TUBB4B: variants seen among roughly 807,000 people sequenced by gnomAD.
TUBB4B encodes tubulin beta-4B chain.
Under a neutral mutation model 34.3 loss-of-function variants are expected in TUBB4B, and 7 were observed. The observed-to-expected ratio is 0.20, with a 90% CI of 0.12 to 0.38. TUBB4B has a LOEUF of 0.38. Among genes scored for constraint, TUBB4B ranks in the 10% least tolerant of loss-of-function variants. The pLI, the probability that TUBB4B is intolerant of heterozygous loss-of-function variation, is 1.00. For synonymous variants in TUBB4B, 390 were observed against 250.2 expected (o/e 1.56, Z -5.27); for missense variants, 178 against 610.9 (o/e 0.29, Z 7.47).
At chr9:137,242,061 A>T in intron 3 of TUBB4B, 40 bp downstream of exon 3, 1 of 1,592,196 alleles carries the variant, frequency 6.3e-7, no homozygotes, top group Non-Finnish European at 8.6e-7. Flanking sequence ...CTCAAAGGTC[A>T]AGGGGCTGCT....
At chr9:137,241,491 A>G (rs1175436403) in intron 1 of TUBB4B, 74 bp downstream of exon 1, 36 of 1,202,398 alleles carry the variant, frequency 3.0e-5, no homozygotes, top group Admixed American at 4.5e-5. Flanking sequence ...AGATGGCGGC[A>G]GCAGCGGCCG....
chr9:137,242,370 G>C (rs774859530), intron 3 of TUBB4B, 126 bp from the exon 4 acceptor site: 1 of 1,204,038 alleles, frequency 8.3e-7, no homozygotes, highest in African/African-American at 1.5e-5. Flanking sequence ...TGAAGGGTCC[G>C]TTTGCTCTAC....
chr9:137,241,297 G>A lies in TUBB4B; in HGVS notation c.-64G>A, dbSNP rs947711847. The A allele has an allele frequency of 1.3e-6, 2 of 1,556,624 alleles. No individual in the cohort carries two copies. The highest frequency in any genetic ancestry group is 1.4e-5 in the African/African-American group (1 of 72,520). The stretch of plus-strand genomic sequence containing the variant: ...CGGAGCGTCGGTTGTAGCACTCTGC[G>A]CGCCCGCTCTTCTGCTGCTGTTTGT... On this transcript the variant is annotated 5_prime_UTR_variant, in exon 1 of 4. Coordinates refer to ENST00000340384, the MANE Select transcript of TUBB4B (RefSeq NM_006088.6).
intron 1 of TUBB4B, 79 bp from the exon 2 acceptor site, chr9:137,241,642 C>A (rs1188793713): frequency 4.0e-6 from 4 of 999,414 alleles, no homozygotes; most frequent in Non-Finnish European, 5.0e-6. Context: ...CGCGCCCGTC[C>A]GGGGCGGGGC....
chr9:137,241,319 T>G lies in TUBB4B; in HGVS notation c.-42T>G, dbSNP rs746101672. ...TGCGCGCCCGCTCTTCTGCTGCTGT[T>G]TGTCTACTTCCTCCTGCTTCCCCGC... is the stretch of plus-strand genomic sequence containing the variant. On this transcript the variant is annotated 5_prime_UTR_variant, in exon 1 of 4. Coordinates refer to ENST00000340384, the MANE Select transcript of TUBB4B (RefSeq NM_006088.6). 14 of 1,585,792 alleles carry G rather than the reference T, an allele frequency of 8.8e-6. No homozygotes were observed. Among genetic ancestry groups the G allele is most frequent in the Admixed American group, 8.5e-5 (5 of 58,962 alleles).
intron 1 of TUBB4B, 51 bp downstream of exon 1, chr9:137,241,468 G>A (rs1440848699): frequency 1.4e-6 from 2 of 1,410,850 alleles, no homozygotes; most frequent in Non-Finnish European, 1.9e-6. Flanking sequence ...CGGTGTGGGC[G>A]GGCGGCCGGG....
chr9:137,241,701 C>T lies in TUBB4B; in HGVS notation c.58-20C>T, dbSNP rs1003119611. On this transcript the variant is annotated intron_variant, in intron 1 of 3. Coordinates refer to ENST00000340384, the MANE Select transcript of TUBB4B (RefSeq NM_006088.6). ...GTGACTCAGCCCCGGCCCGCCCGGG[C>T]CCGCCCGCGTCCCTTGTAGTTTTGG... The T allele has an allele frequency of 3.1e-6, 5 of 1,601,722 alleles. No individual in the cohort carries two copies. The highest frequency in any genetic ancestry group is 3.4e-5 in the Admixed American group (2 of 59,436).
chr9:137,243,139 T>C lies in TUBB4B; in HGVS notation c.921T>C (p.His307=), dbSNP rs1486272427. 2.5e-6 allele frequency: 4 copies of C among 1,613,066 alleles called. No individual in the cohort carries two copies. Among genetic ancestry groups the C allele is most frequent in the South Asian group, 2.2e-5 (2 of 91,086 alleles). ...TGATGGCTGCCTGCGACCCCCGCCA[T>C]GGCCGCTACCTGACGGTTGCCGCCG... ...KNMMAACDPR[H]GRYLTVAAVF... Residue 307 remains histidine (H), a synonymous_variant, in exon 4 of 4, where the codon CAT becomes CAC. Transcript: ENST00000340384.
At chr9:137,242,154 A>AG in intron 3 of TUBB4B, 133 bp downstream of exon 3, 1 of 939,400 alleles carries the variant, frequency 1.1e-6, no homozygotes, top group Non-Finnish European at 1.6e-6. Flanking sequence ...CCCTCTACTA[A>AG]ATCGGCTTTG....
Position 137,241,309 on chromosome 9 carries a change from C to G in TUBB4B, c.-52C>G, listed in dbSNP as rs542053872. ...TGTAGCACTCTGCGCGCCCGCTCTT[C>G]TGCTGCTGTTTGTCTACTTCCTCCT... On this transcript the variant is annotated 5_prime_UTR_variant, in exon 1 of 4. Coordinates refer to ENST00000340384, the MANE Select transcript of TUBB4B (RefSeq NM_006088.6). 4 of 1,575,044 alleles carry G rather than the reference C, an allele frequency of 2.5e-6. No homozygotes were observed. The highest frequency in any genetic ancestry group is 2.7e-5 in the African/African-American group (2 of 73,280).
At chr9:137,242,279 C>T (rs1836766988) in intron 3 of TUBB4B, 2 of 680,616 alleles carry the variant, frequency 2.9e-6, no homozygotes, top group South Asian at 3.9e-5. Flanking sequence ...GGCAGTGGCC[C>T]CCCCGGGGAG....
In TUBB4B at chr9:137,243,632, C is replaced by A; in HGVS notation, c.*76C>A. On this transcript the variant is annotated 3_prime_UTR_variant, in exon 4 of 4. Coordinates refer to ENST00000340384, the MANE Select transcript of TUBB4B (RefSeq NM_006088.6). ...CTCCCAGCCTGTCCTGTGGCCTGTC[C>A]CACTGTGTGCACTTGCTGTTTTCCC... 2 of 1,613,804 alleles carry A rather than the reference C, an allele frequency of 1.2e-6. No individual in the cohort carries two copies. Among genetic ancestry groups the A allele is most frequent in the Non-Finnish European group, 1.7e-6 (2 of 1,179,810 alleles).
At chr9:137,242,436 G>A in intron 3 of TUBB4B, 60 bp from the exon 4 acceptor site, 4 of 1,565,604 alleles carry the variant, frequency 2.6e-6, no homozygotes, top group Non-Finnish European at 3.5e-6. Flanking sequence ...TTTTTCGCAT[G>A]GCGGTGACCA....
chr9:137,241,802 ATCAACGTGTAC>A lies in TUBB4B; in HGVS notation c.141_151del (p.Asn48GlnfsTer2), dbSNP rs764363006. The A allele has an allele frequency of 6.2e-7, 1 of 1,612,306 alleles. No homozygotes were observed. Among genetic ancestry groups the A allele is most frequent in the Non-Finnish European group, 8.5e-7 (1 of 1,179,598 alleles). On this transcript the variant is annotated frameshift_variant, in exon 2 of 4. Coordinates refer to ENST00000340384, the MANE Select transcript of TUBB4B (RefSeq NM_006088.6). LOFTEE classifies it high-confidence loss of function. Reference sequence around the variant, plus strand: ...GGACAGCGACCTGCAGCTGGAACGCATCAACGTGTACTACAATGAGGCCACCGGTGAGGCCC... The same window carrying A: ...GGACAGCGACCTGCAGCTGGAACGCATACAATGAGGCCACCGGTGAGGCCC...
chr9:137,243,647 GC>G lies in TUBB4B; in HGVS notation c.*92del. 6.2e-7 allele frequency: 1 copy of G among 1,613,992 alleles called. No homozygotes were observed. Among genetic ancestry groups the G allele is most frequent in the Non-Finnish European group, 8.5e-7 (1 of 1,179,950 alleles). ...GTGGCCTGTCCCACTGTGTGCACTTGCTGTTTTCCCTGTCCACATCCATGCT... is the reference window on the plus strand; with the variant it reads ...GTGGCCTGTCCCACTGTGTGCACTTGTGTTTTCCCTGTCCACATCCATGCT... On this transcript the variant is annotated 3_prime_UTR_variant, in exon 4 of 4. Coordinates refer to ENST00000340384, the MANE Select transcript of TUBB4B (RefSeq NM_006088.6).
rs1423560558 is a variant in TUBB4B at position 137,243,161 on chromosome 9, G to A, written c.943G>A (p.Ala315Thr). 2.5e-6 allele frequency: 4 copies of A among 1,613,076 alleles called. No homozygotes were observed. The highest frequency in any genetic ancestry group is 3.4e-6 in the Non-Finnish European group (4 of 1,179,990). The change falls in exon 4 of 4, where the codon GCC (alanine) becomes ACC (threonine). Residue 315 changes from alanine to threonine, a missense_variant. By Grantham distance (58) the Ala-to-Thr change is moderately conservative. Coordinates refer to ENST00000340384, the MANE Select transcript of TUBB4B (RefSeq NM_006088.6). ...PRHGRYLTVA[A>T]VFRGRMSMKE... ...CCATGGCCGCTACCTGACGGTTGCC[G>A]CCGTGTTCAGGGGCCGCATGTCCAT...
chr9:137,242,267 T>C, intron 3 of TUBB4B: 3 of 666,390 alleles, frequency 4.5e-6, no homozygotes, highest in Non-Finnish European at 7.6e-6. Flanking sequence ...TCCTTGGGAA[T>C]TGGCAGTGGC....
chr9:137,242,992 C>T lies in TUBB4B; in HGVS notation c.774C>T (p.Val258=). Residue 258 remains valine, a synonymous_variant, in exon 4 of 4, where the codon GTC becomes GTT. Coordinates refer to ENST00000340384, the MANE Select transcript of TUBB4B (RefSeq NM_006088.6). ...ADLRKLAVNM[V]PFPRLHFFMP... ...TGCGGAAGCTGGCTGTGAACATGGT[C>T]CCGTTTCCCCGGCTGCACTTCTTCA... 6.2e-7 allele frequency: 1 copy of T among 1,612,922 alleles called. No homozygotes were observed. Among genetic ancestry groups the T allele is most frequent in the East Asian group, 2.2e-5 (1 of 44,884 alleles).
rs765351110 is a variant in TUBB4B at position 137,243,655 on chromosome 9, C to T, written c.*99C>T. ...TCCCACTGTGTGCACTTGCTGTTTT[C>T]CCTGTCCACATCCATGCTGTACAGA... is the stretch of plus-strand genomic sequence containing the variant. On this transcript the variant is annotated 3_prime_UTR_variant, in exon 4 of 4. Coordinates refer to ENST00000340384, the MANE Select transcript of TUBB4B (RefSeq NM_006088.6). 8.7e-6 allele frequency: 14 copies of T among 1,614,086 alleles called. No individual in the cohort carries two copies. Among genetic ancestry groups the T allele is most frequent in the Non-Finnish European group, 8.5e-6 (10 of 1,180,012 alleles).
Sources: allele counts gnomAD v4.1 joint callset, GRCh38; gene constraint gnomAD v4.1.1; transcripts MANE v1.5; gene names NCBI Gene and HGNC (gene_info 2026-07-23, HGNC 2026-07-21).